Variants in INPP5D observed in about 807,000 individuals in gnomAD.
The protein encoded by INPP5D is inositol polyphosphate-5-phosphatase D.
INPP5D carries 33 observed loss-of-function variants against 122.9 expected under a neutral mutation model. The observed-to-expected ratio is 0.27, with a 90% CI of 0.20 to 0.36. The LOEUF is 0.36. INPP5D is among the 10% of genes least tolerant of loss of function. INPP5D has a pLI of 1.00. For missense variants in INPP5D, 1,053 were observed against 1,412.7 expected (o/e 0.75, Z 4.08); for synonymous variants, 584 against 576.2 (o/e 1.01, Z -0.19).
In INPP5D at chr2:233,105,373, T is replaced by C. The variant is rs539667410; in HGVS notation, c.199-16734T>C. ...CCTGTCTCTTTGCCCCACCACCTCCTATTCACCTGAAGTAGGAGCATCTCA... is the reference window on the plus strand; with the variant it reads ...CCTGTCTCTTTGCCCCACCACCTCCCATTCACCTGAAGTAGGAGCATCTCA... On this transcript the variant is annotated intron_variant, in intron 2 of 26. Coordinates refer to ENST00000445964, the MANE Select transcript of INPP5D (RefSeq NM_001017915.3). This position sits in a 1 kb window ranked among gnomAD's most constrained non-coding sequence, Gnocchi z 4.0. 7.9e-5 allele frequency among the ~76,000 whole-genome samples: 12 copies of C among 152,322 alleles called. No individual in the cohort carries two copies. Among genetic ancestry groups the C allele is most frequent in the African/African-American group, 2.6e-4 (11 of 41,584 alleles).
chr2:233,151,808 T>G (rs1693932792), intron 9 of INPP5D, among the ~76,000 whole-genome samples: 1 of 152,190 alleles, frequency 6.6e-6, no homozygotes, highest in African/African-American at 2.4e-5. Flanking sequence ...AACGCATGCA[T>G]GAATCAGTGA....
rs192034010 is a variant in INPP5D at position 233,122,968 on chromosome 2, G to T, written c.349+711G>T. 2.9e-3 allele frequency among the ~76,000 whole-genome samples: 441 copies of T among 152,254 alleles called. 3 individuals are homozygous for T. The highest frequency in any genetic ancestry group is 0.01 in the African/African-American group (422 of 41,544). On this transcript the variant is annotated intron_variant, in intron 3 of 26. Transcript: ENST00000445964. ...TTGAGAAATGTAGCACCCAGAGCCT[G>T]GTACATATTCATAGTAAGCACTCCA...
At chr2:233,117,788 A>G (rs1214166695) in intron 2 of INPP5D, among the ~76,000 whole-genome samples, 3 of 152,192 alleles carry the variant, frequency 2.0e-5, no homozygotes, top group Non-Finnish European at 4.4e-5. Flanking sequence ...AGTTGCTGAA[A>G]AGGCACCACC....
At chr2:233,169,143 C>T (rs1463797571) in intron 13 of INPP5D, among the ~76,000 whole-genome samples, 162 bp from the exon 14 acceptor site, 4 of 152,172 alleles carry the variant, frequency 2.6e-5, no homozygotes, top group Admixed American at 1.3e-4. Context: ...TCTCATCTCC[C>T]GCTCTCTGCC....
In INPP5D at chr2:233,164,214, C is replaced by T; in HGVS notation, c.1438-93C>T. 1 of 1,470,322 alleles carries T rather than the reference C, an allele frequency of 6.8e-7. No homozygotes were observed. The highest frequency in any genetic ancestry group is 9.0e-7 in the Non-Finnish European group (1 of 1,107,358). The allele number at this position is 1,470,322 out of a possible 1,614,324, so 91.1% of individuals were successfully genotyped here. On this transcript the variant is annotated intron_variant, in intron 12 of 26. Transcript: ENST00000445964. This position sits in a 1 kb window ranked among gnomAD's most constrained non-coding sequence, Gnocchi z 4.3. Reference sequence around the variant, plus strand: ...GGATTACAGACAGGATACCCCATACCCAGGGGCTGCGGCTGGGGCTGGGTG... The same window carrying T: ...GGATTACAGACAGGATACCCCATACTCAGGGGCTGCGGCTGGGGCTGGGTG...
At chr2:233,190,059 C>T (rs1378306381) in intron 22 of INPP5D, 122 bp downstream of exon 22, 2 of 1,437,474 alleles carry the variant, frequency 1.4e-6, no homozygotes, top group Non-Finnish European at 1.8e-6. Context: ...CTTTCCTCAT[C>T]CCAGGGCTGC....
chr2:233,182,222 G>A (rs930222757), intron 18 of INPP5D, among the ~76,000 whole-genome samples, 188 bp from the exon 19 acceptor site: 12 of 152,230 alleles, frequency 7.9e-5, no homozygotes, highest in African/African-American at 2.2e-4. Flanking sequence ...TGTCCATGGA[G>A]GAGGCAGTGT....
intron 2 of INPP5D, among the ~76,000 whole-genome samples, chr2:233,119,510 T>C (rs542380319): frequency 2.0e-5 from 3 of 152,168 alleles, no homozygotes; most frequent in Non-Finnish European, 4.4e-5. Context: ...TTGAAAGAGA[T>C]TGCTTAACAC....
Position 233,070,174 on chromosome 2 carries a change from C to T in INPP5D, c.135-9161C>T, listed in dbSNP as rs117035829. Reference sequence around the variant, plus strand: ...TTTTTCTATCGAAGCTATAGTTTTTCTGTTATCTACTTGCACAAGTTTATA... The same window carrying T: ...TTTTTCTATCGAAGCTATAGTTTTTTTGTTATCTACTTGCACAAGTTTATA... On this transcript the variant is annotated intron_variant, in intron 1 of 26. Coordinates refer to ENST00000445964, the MANE Select transcript of INPP5D (RefSeq NM_001017915.3). 7.1e-4 allele frequency among the ~76,000 whole-genome samples: 108 copies of T among 152,232 alleles called. 2 individuals carry two copies. In the East Asian group the frequency reaches 0.02, roughly 28 times the overall value.
chr2:233,149,517 G>C (rs1024761139), intron 9 of INPP5D, among the ~76,000 whole-genome samples: 1 of 152,110 alleles, frequency 6.6e-6, no homozygotes, highest in African/African-American at 2.4e-5. Context: ...AGGATGCTCT[G>C]TCCCCCAGGT....
At chr2:233,190,930 C>T (rs1273717726) in intron 22 of INPP5D, among the ~76,000 whole-genome samples, 1 of 152,132 alleles carries the variant, frequency 6.6e-6, no homozygotes, top group East Asian at 1.9e-4. Flanking sequence ...CTGCAGTGAT[C>T]AAGACGACAG....
intron 25 of INPP5D, among the ~76,000 whole-genome samples, chr2:233,200,965 T>C (rs1169648833): frequency 5.7e-5 from 4 of 70,528 alleles, no homozygotes; most frequent in Admixed American, 4.9e-4. Flanking sequence ...CATCTCAAAA[T>C]AAATAAATAA....
At position 233,125,777 on chromosome 2, in the gene INPP5D, C is replaced by G; in HGVS notation, c.382C>G (p.Pro128Ala). The change falls in exon 4 of 27, where the codon CCA becomes GCA. Residue 128 changes from proline to alanine, a missense_variant. Transcript: ENST00000445964. ...TGTCGTGTCTCCACCCGAGCTGCCC[C>G]CAAGAAACATCCCGCTGACTGCCAG... is the stretch of plus-strand genomic sequence containing the variant. ...ESVVSPPELP[P>A]RNIPLTASSC... The G allele has an allele frequency of 1.2e-6, 2 of 1,613,838 alleles. No individual in the cohort carries two copies. Among genetic ancestry groups the G allele is most frequent in the Non-Finnish European group, 1.7e-6 (2 of 1,179,802 alleles).
chr2:233,182,276 G>A lies in INPP5D; in HGVS notation c.2072-134G>A, dbSNP rs70940831. The A allele has an allele frequency of 1.2e-3, 1,596 of 1,307,330 alleles. 18 individuals carry two copies. In the East Asian group the frequency reaches 0.022, roughly 18 times the overall value. 81.0% of individuals were successfully genotyped at this position (1,307,330 alleles called of 1,614,324 possible). ...AACCCTTTAAGCATTGCTGTGGAAG[G>A]ACAACAGGTGCAAAACTTCGCACTT... On this transcript the variant is annotated intron_variant, in intron 18 of 26. Coordinates refer to ENST00000445964, the MANE Select transcript of INPP5D (RefSeq NM_001017915.3).
intron 2 of INPP5D, among the ~76,000 whole-genome samples, chr2:233,080,430 GGTGT>G (rs5839469): frequency 5.3e-4 from 79 of 148,098 alleles, no homozygotes; most frequent in East Asian, 2.8e-3. Flanking sequence ...CCACATCCCG[GGTGT>G]GTGTGTGTGT....
Position 233,164,639 on chromosome 2 carries a change from T to C in INPP5D, c.1555+215T>C, listed in dbSNP as rs1207832526. Among the ~76,000 whole-genome samples the C allele has an allele frequency of 1.3e-5, 2 of 152,180 alleles. No homozygotes were observed. Among genetic ancestry groups the C allele is most frequent in the African/African-American group, 4.8e-5 (2 of 41,446 alleles). ...AGCAGTCCCAGGGATCTAGCTAAAA[T>C]GCAGGTTCCGACCCAGTAGATCTTG... On this transcript the variant is annotated intron_variant, in intron 13 of 26. Coordinates refer to ENST00000445964, the MANE Select transcript of INPP5D (RefSeq NM_001017915.3). This position sits in a 1 kb window ranked among gnomAD's most constrained non-coding sequence, Gnocchi z 4.3.
intron 17 of INPP5D, among the ~76,000 whole-genome samples, chr2:233,176,074 A>C (rs2106307697): frequency 6.6e-6 from 1 of 152,362 alleles, no homozygotes; most frequent in African/African-American, 2.4e-5. Flanking sequence ...TTTCAGGATG[A>C]GTTCCTTTAT....
rs1370454273 is a variant in INPP5D at position 233,082,901 on chromosome 2, A to G, written c.198+3503A>G. Among the ~76,000 whole-genome samples, 1 of 152,218 alleles carries G rather than the reference A, an allele frequency of 6.6e-6. No individual in the cohort carries two copies. Among genetic ancestry groups the G allele is most frequent in the Non-Finnish European group, 1.5e-5 (1 of 68,028 alleles). ...TCCTTCCAATCCAGAAGGTGTTTCC[A>G]AGCCTGTCTGGAGTCCCCTGGGGAA... On this transcript the variant is annotated intron_variant, in intron 2 of 26. Transcript: ENST00000445964. The surrounding 1 kb of genome is among the most constrained non-coding windows in gnomAD (Gnocchi z 4.7).
At chr2:233,086,628 G>A (rs1691858663) in intron 2 of INPP5D, among the ~76,000 whole-genome samples, 1 of 151,566 alleles carries the variant, frequency 6.6e-6, no homozygotes, top group African/African-American at 2.4e-5. Context: ...TGATGCCCTT[G>A]AATTTGCTGA....
Sources: gnomAD v4.1 joint callset for allele counts (sites outside exome capture counted in the v4.1 genomes callset) on GRCh38, gnomAD v4.1.1 for gene constraint, Gnocchi (gnomAD v3.1) non-coding constraint, MANE v1.5 for transcripts, NCBI Gene and HGNC (gene_info 2026-07-23, HGNC 2026-07-21) for gene names.